RYR3: variants seen among roughly 807,000 people sequenced by gnomAD.
The protein encoded by RYR3 is ryanodine receptor 3.
A neutral mutation model predicts 584.3 loss-of-function variants in RYR3; 207 were observed. The observed-to-expected ratio is 0.35, with a 90% CI of 0.32 to 0.40. The LOEUF (loss-of-function observed/expected upper bound fraction) is 0.40. Ranked by LOEUF, RYR3 falls within the 10% of genes least tolerant of loss-of-function variation. RYR3 has a pLI of 1.00. For synonymous variants in RYR3, 2,416 were observed against 2,248.5 expected, an observed-to-expected ratio of 1.07 and a Z score of -2.11; for missense variants, 5,616 against 6,089.2, an observed-to-expected ratio of 0.92 and a Z score of 2.59.
chr15:33,599,793 T>A (rs1013562591), intron 16 of RYR3, among the ~76,000 whole-genome samples: 2 of 152,234 alleles, frequency 1.3e-5, no homozygotes, highest in Non-Finnish European at 2.9e-5. Flanking sequence ...GAGTGTCTCC[T>A]AAAGCAAAAC....
At chr15:33,742,916 C>T (rs923513918) in intron 52 of RYR3, among the ~76,000 whole-genome samples, 10 of 152,180 alleles carry the variant, frequency 6.6e-5, no homozygotes, top group African/African-American at 2.4e-4. Context: ...GTAGAACTCC[C>T]AGACACTCCC....
intron 1 of RYR3, among the ~76,000 whole-genome samples, chr15:33,408,484 A>G (rs2043173327): frequency 6.6e-6 from 1 of 152,158 alleles, no homozygotes; most frequent in Non-Finnish European, 1.5e-5. Flanking sequence ...GTGTCTTTTT[A>G]TTAGAACAAT....
chr15:33,330,739 G>A (rs556016776), intron 1 of RYR3, among the ~76,000 whole-genome samples: 2 of 152,280 alleles, frequency 1.3e-5, no homozygotes, highest in African/African-American at 4.8e-5. Flanking sequence ...GATGCCATAG[G>A]TTGTAGCTGC....
intron 12 of RYR3, among the ~76,000 whole-genome samples, chr15:33,567,830 G>A (rs560337035): frequency 6.6e-6 from 1 of 152,168 alleles, no homozygotes; most frequent in African/African-American, 2.4e-5. Context: ...ATTGTTATAG[G>A]CCCTCCAGGT....
rs537604481 is a variant in RYR3, at chr15:33,702,390, G to A, written c.6483+1310G>A. On this transcript the variant is annotated intron_variant, in intron 42 of 103. Transcript: ENST00000634891. ...TTGGTAGTAATCAAAGCCCAAGACT[G>A]TGCTGGCTTCAATTAATATTGATGC... 2.6e-5 allele frequency among the ~76,000 whole-genome samples: 4 copies of A among 152,344 alleles called. No individual in the cohort carries two copies. In the East Asian group the frequency reaches 7.7e-4, roughly 29 times the overall value.
intron 2 of RYR3, among the ~76,000 whole-genome samples, chr15:33,490,708 A>G (rs532442545): frequency 3.5e-4 from 53 of 151,518 alleles, no homozygotes; most frequent in African/African-American, 1.3e-3. Flanking sequence ...TCCTTCAGAA[A>G]ATTTCAAGTA....
intron 38 of RYR3, among the ~76,000 whole-genome samples, chr15:33,688,813 G>T (rs2065202007): frequency 6.6e-6 from 1 of 152,154 alleles, no homozygotes; most frequent in Admixed American, 6.5e-5. Flanking sequence ...GGAAGACAGT[G>T]TGGCAATTCC....
At chr15:33,459,796 G>T (rs2047864004) in intron 1 of RYR3, among the ~76,000 whole-genome samples, 1 of 152,094 alleles carries the variant, frequency 6.6e-6, no homozygotes. Flanking sequence ...ACTCTCCTGG[G>T]ATTATTAAAC....
intron 10 of RYR3, among the ~76,000 whole-genome samples, chr15:33,561,771 G>C (rs1304824523): frequency 6.6e-6 from 1 of 151,902 alleles, no homozygotes; most frequent in Non-Finnish European, 1.5e-5. Context: ...GCAGTGGCCT[G>C]CACCTGGAGT....
chr15:33,319,785 G>A (rs1036511093), intron 1 of RYR3, among the ~76,000 whole-genome samples: 2 of 152,190 alleles, frequency 1.3e-5, no homozygotes, highest in African/African-American at 2.4e-5. Context: ...TGTAAATCTG[G>A]AGAGAGTAGC....
At position 33,861,158 on chromosome 15, in the gene RYR3, G is replaced by A. The variant is rs761955634; in HGVS notation, c.14445G>A (p.Glu4815=). ...PHGFETHTLQ[E]HNLANYLFFL... ...GTTTTGAAACACATACATTACAAGA[G>A]CACAACTTAGCCAACTACTTGTGAG... Residue 4815 remains glutamate (E), a synonymous_variant, in exon 102 of 104, where the codon GAG becomes GAA. Transcript: ENST00000634891. The A allele has an allele frequency of 6.3e-7, 1 of 1,590,948 alleles. No individual in the cohort carries two copies. The highest frequency in any genetic ancestry group is 2.3e-5 in the East Asian group (1 of 44,368).
At chr15:33,619,862 T>C (rs778958596) in intron 19 of RYR3, among the ~76,000 whole-genome samples, 3 of 152,180 alleles carry the variant, frequency 2.0e-5, no homozygotes, top group Non-Finnish European at 4.4e-5. Flanking sequence ...CAGGTAGCAT[T>C]GAGTCTTTGT....
intron 82 of RYR3, 57 bp from the exon 83 acceptor site, chr15:33,826,195 A>G (rs1560318): frequency 0.056 from 86,990 of 1,544,874 alleles, 2,661 homozygotes; most frequent in Non-Finnish European, 0.06. Flanking sequence ...AAGACAGTTT[A>G]TCATGATGTT....
At chr15:33,384,202 A>C (rs1389471929) in intron 1 of RYR3, among the ~76,000 whole-genome samples, 1 of 152,134 alleles carries the variant, frequency 6.6e-6, no homozygotes, top group African/African-American at 2.4e-5. Context: ...GACCGAGGAA[A>C]GATGCCTTGA....
chr15:33,725,180 C>T (rs62012614), intron 45 of RYR3, among the ~76,000 whole-genome samples: 13 of 143,894 alleles, frequency 9.0e-5, no homozygotes, highest in East Asian at 2.3e-4. Flanking sequence ...CACACACACA[C>T]ACACACACAC....
At chr15:33,768,215 C>A (rs1320412627) in intron 60 of RYR3, among the ~76,000 whole-genome samples, 1 of 152,214 alleles carries the variant, frequency 6.6e-6, no homozygotes, top group African/African-American at 2.4e-5. Context: ...TCTTGCCAAC[C>A]TCCCAACTAA....
intron 77 of RYR3, 68 bp from the exon 78 acceptor site, chr15:33,820,688 T>G: frequency 7.5e-7 from 1 of 1,336,932 alleles, no homozygotes; most frequent in South Asian, 1.3e-5. Context: ...CCTTGTAGAG[T>G]TGTGTTTATT....
At chr15:33,354,007 A>G (rs1350965259) in intron 1 of RYR3, among the ~76,000 whole-genome samples, 1 of 152,226 alleles carries the variant, frequency 6.6e-6, no homozygotes, top group Non-Finnish European at 1.5e-5. Flanking sequence ...ACGGCTGCCC[A>G]GAATCAAAGG....
intron 2 of RYR3, among the ~76,000 whole-genome samples, chr15:33,494,347 T>C (rs760542040): frequency 6.6e-6 from 1 of 152,236 alleles, no homozygotes; most frequent in African/African-American, 2.4e-5. Context: ...GATCAACTTA[T>C]TCCAACATTT....
Sources: allele counts gnomAD v4.1 joint callset (sites outside exome capture counted in the v4.1 genomes callset), GRCh38; gene constraint gnomAD v4.1.1; transcripts MANE v1.5; gene names NCBI Gene and HGNC (gene_info 2026-07-23, HGNC 2026-07-21).